FRMD5: variants seen among roughly 807,000 people sequenced by gnomAD.
FRMD5 encodes the protein FERM domain-containing protein 5.
A neutral mutation model predicts 69.0 loss-of-function variants in FRMD5; 20 were observed. That is an observed-to-expected ratio of 0.29 (90% CI 0.20 to 0.42). The LOEUF is 0.42. FRMD5 is among the 10% of genes least tolerant of loss of function. The probability of loss-of-function intolerance (pLI) is 1.00; values close to 1 mark genes in which losing one functional copy is unlikely to be tolerated. For synonymous variants in FRMD5, 271 were observed against 260.1 expected (o/e 1.04, Z -0.40); for missense variants, 595 against 708.6 (o/e 0.84, Z 1.82).
At chr15:44,158,385 A>T (rs72717905) in intron 1 of FRMD5, among the ~76,000 whole-genome samples, 1 of 152,206 alleles carries the variant, frequency 6.6e-6, no homozygotes, top group Non-Finnish European at 1.5e-5. Flanking sequence ...CTTTTCACTG[A>T]TTTTCTATCC....
At chr15:44,027,338 CA>C (rs1291233743) in intron 1 of FRMD5, among the ~76,000 whole-genome samples, 1 of 151,972 alleles carries the variant, frequency 6.6e-6, no homozygotes, top group African/African-American at 2.4e-5. Flanking sequence ...AAAAAAAACC[CA>C]AAAAAACTAG....
intron 1 of FRMD5, among the ~76,000 whole-genome samples, chr15:43,959,076 G>A (rs761589063): frequency 2.6e-5 from 4 of 152,150 alleles, no homozygotes; most frequent in Admixed American, 6.5e-5. Context: ...AGATTACTGT[G>A]CTTTCTTACA....
chr15:44,143,793 C>T (rs930219234), intron 1 of FRMD5, among the ~76,000 whole-genome samples: 1 of 151,324 alleles, frequency 6.6e-6, no homozygotes, highest in Admixed American at 6.6e-5. Flanking sequence ...GGCGTGGCGG[C>T]ACGCACCTGT....
chr15:43,873,270 C>G lies in FRMD5; in HGVS notation c.*615G>C, dbSNP rs1160356635. 6.5e-7 allele frequency: 1 copy of G among 1,540,954 alleles called. No homozygotes were observed. Among genetic ancestry groups the G allele is most frequent in the Non-Finnish European group, 8.7e-7 (1 of 1,144,526 alleles). ...AAGGAAAAGAAAATCCAACTCAGACCATCATAAGAAGCAACTTTCCATTTA... is the reference window on the plus strand; with the variant it reads ...AAGGAAAAGAAAATCCAACTCAGACGATCATAAGAAGCAACTTTCCATTTA... On this transcript the variant is annotated 3_prime_UTR_variant, in exon 14 of 14. Coordinates refer to ENST00000417257, the MANE Select transcript of FRMD5 (RefSeq NM_032892.5).
rs573382700 is a variant in FRMD5 at position 43,946,139 on chromosome 15, T to C, written c.103-21830A>G. On this transcript the variant is annotated intron_variant, in intron 1 of 13. Coordinates refer to ENST00000417257, the MANE Select transcript of FRMD5 (RefSeq NM_032892.5). The stretch of plus-strand genomic sequence containing the variant: ...CCTCTTGGCTTCCCTCTTCCAGTCC[T>C]ATCCAGGTCCTTTGCTCTCTTATCT... 1.6e-4 allele frequency among the ~76,000 whole-genome samples: 25 copies of C among 152,290 alleles called. No individual in the cohort carries two copies. The South Asian group carries it at 4.6e-3, about 28-fold the overall frequency.
chr15:43,984,619 C>T (rs1033199350), intron 1 of FRMD5, among the ~76,000 whole-genome samples: 3 of 152,198 alleles, frequency 2.0e-5, no homozygotes, highest in African/African-American at 7.2e-5. Flanking sequence ...AAAATCACCA[C>T]AGGAGAGTTT....
intron 1 of FRMD5, among the ~76,000 whole-genome samples, chr15:44,056,114 A>G (rs1892860514): frequency 6.6e-6 from 1 of 152,246 alleles, no homozygotes; most frequent in Non-Finnish European, 1.5e-5. Flanking sequence ...TTCACTGAAG[A>G]ACTTAAAGCT....
chr15:43,885,301 T>C (rs761856524), intron 11 of FRMD5, among the ~76,000 whole-genome samples: 2 of 152,100 alleles, frequency 1.3e-5, no homozygotes, highest in Non-Finnish European at 2.9e-5. Flanking sequence ...GCCTCCCAAG[T>C]AGCTGGGACT....
chr15:44,042,310 C>T (rs1419739010), intron 1 of FRMD5, among the ~76,000 whole-genome samples: 1 of 152,126 alleles, frequency 6.6e-6, no homozygotes, highest in Non-Finnish European at 1.5e-5. Flanking sequence ...AAAAAAAGTC[C>T]AGGACCAGAT....
intron 1 of FRMD5, among the ~76,000 whole-genome samples, chr15:44,152,895 C>T (rs528490375): frequency 4.7e-5 from 7 of 148,236 alleles, no homozygotes; most frequent in Admixed American, 2.7e-4. Context: ...AAAAAGTAAA[C>T]GGGCAAAGAT....
chr15:44,163,770 G>A (rs2077661263), intron 1 of FRMD5, among the ~76,000 whole-genome samples: 1 of 152,198 alleles, frequency 6.6e-6, no homozygotes, highest in Admixed American at 6.5e-5. Flanking sequence ...AGGGTCTCAG[G>A]AAAAGGTAAA....
intron 1 of FRMD5, among the ~76,000 whole-genome samples, chr15:44,118,811 T>C (rs2076906296): frequency 6.6e-6 from 1 of 152,168 alleles, no homozygotes; most frequent in Non-Finnish European, 1.5e-5. Context: ...GATCTTGCTC[T>C]ATCACCCAGG....
chr15:43,927,291 C>T (rs1036722881), intron 1 of FRMD5, among the ~76,000 whole-genome samples: 1 of 152,232 alleles, frequency 6.6e-6, no homozygotes, highest in Non-Finnish European at 1.5e-5. Flanking sequence ...CCCCAGCCCA[C>T]TGGTATCACT....
chr15:43,974,717 T>A (rs1352513468), intron 1 of FRMD5, among the ~76,000 whole-genome samples: 1 of 152,230 alleles, frequency 6.6e-6, no homozygotes, highest in East Asian at 1.9e-4. Flanking sequence ...ATAAACAATA[T>A]TCTGAAAGAT....
intron 1 of FRMD5, among the ~76,000 whole-genome samples, chr15:43,930,181 A>G (rs2089650842): frequency 6.6e-6 from 1 of 152,200 alleles, no homozygotes; most frequent in South Asian, 2.1e-4. Flanking sequence ...CTCTTGGCCC[A>G]GGAGCTCACT....
chr15:44,087,394 A>G (rs1894243211), intron 1 of FRMD5, among the ~76,000 whole-genome samples: 1 of 152,202 alleles, frequency 6.6e-6, no homozygotes, highest in Non-Finnish European at 1.5e-5. Context: ...TAAACTTAAG[A>G]GTAATGCAGT....
intron 1 of FRMD5, among the ~76,000 whole-genome samples, chr15:44,193,989 G>A (rs1432798491): frequency 6.6e-6 from 1 of 152,212 alleles, no homozygotes; most frequent in African/African-American, 2.4e-5. Flanking sequence ...TCTCCACAAA[G>A]AGCAGCTTCC....
At chr15:44,057,941 G>A (rs1379690218) in intron 1 of FRMD5, among the ~76,000 whole-genome samples, 5 of 152,128 alleles carry the variant, frequency 3.3e-5, no homozygotes, top group African/African-American at 1.2e-4. Context: ...AAACCATGGA[G>A]TCCTATATAT....
chr15:44,152,835 T>C (rs1381808648), intron 1 of FRMD5, among the ~76,000 whole-genome samples: 1 of 152,096 alleles, frequency 6.6e-6, no homozygotes, highest in Non-Finnish European at 1.5e-5. Context: ...TGTTTATATA[T>C]TGTGGATCTG....
Sources: allele counts gnomAD v4.1 joint callset (sites outside exome capture counted in the v4.1 genomes callset), GRCh38; gene constraint gnomAD v4.1.1; transcripts MANE v1.5; gene names NCBI Gene and HGNC (gene_info 2026-07-23, HGNC 2026-07-21).